The following GPSM1 variants were observed in gnomAD, a reference collection of about 807,000 sequenced individuals.
GPSM1 encodes G protein signaling modulator 1, also known as G protein-signaling modulator 1.
In GPSM1, 48 loss-of-function variants were observed where a neutral mutation model predicts 70.5. The ratio of observed to expected loss-of-function variants is 0.68; its 90% CI spans 0.54 to 0.87. GPSM1 has a LOEUF of 0.87. Among genes scored for constraint, GPSM1 ranks in the 40% least tolerant of loss-of-function variants. The pLI is 0.00. For synonymous variants in GPSM1, 416 were observed against 430.1 expected (o/e 0.97, Z 0.41); for missense variants, 981 against 972.6 (o/e 1.01, Z -0.11).
chr9:136,358,281 A>G lies in GPSM1; in HGVS notation c.*61A>G, dbSNP rs2131420965. On this transcript the variant is annotated 3_prime_UTR_variant, in exon 14 of 14. Coordinates refer to ENST00000440944, the MANE Select transcript of GPSM1 (RefSeq NM_001145638.3). ...ACTCCTGGACGCCGGTCTCACAGTC[A>G]CAGCCACGTCCTCCCGAGGCCATTG... 7.2e-7 allele frequency: 1 copy of G among 1,386,840 alleles called. No individual in the cohort carries two copies. The highest frequency in any genetic ancestry group is 2.5e-5 in the East Asian group (1 of 40,108). The allele number at this position is 1,386,840 out of a possible 1,614,324, so 85.9% of individuals were successfully genotyped here.
At position 136,356,507 on chromosome 9, in the gene GPSM1, A is replaced by G. The variant is rs1832831745; in HGVS notation, c.1778A>G (p.Gln593Arg). The change falls in exon 13 of 14, where the codon CAG becomes CGG. Residue 593 changes from glutamine to arginine, a missense_variant. Coordinates refer to ENST00000440944, the MANE Select transcript of GPSM1 (RefSeq NM_001145638.3). ...CACCTCCGAGGCCACGGCGAGCCCC[A>G]GGAGCCGGGGGACGACTTCTTCAAC... ...AGHLRGHGEPQEPGDDFFNML... is the reference protein window; with the variant it reads ...AGHLRGHGEPREPGDDFFNML... 1 of 1,611,898 alleles carries G rather than the reference A, an allele frequency of 6.2e-7. No individual in the cohort carries two copies. The highest frequency in any genetic ancestry group is 1.1e-5 in the South Asian group (1 of 91,032).
At chr9:136,338,024 G>A in intron 6 of GPSM1, 63 bp downstream of exon 6, 1 of 1,056,898 alleles carries the variant, frequency 9.5e-7, no homozygotes, top group Non-Finnish European at 1.4e-6. Context: ...GCCAGGCCAA[G>A]GAAGTGCCCG....
intron 11 of GPSM1, chr9:136,354,851 CAG>C (rs1832771389): frequency 1.0e-6 from 1 of 1,000,876 alleles, no homozygotes; most frequent in African/African-American, 1.7e-5. Flanking sequence ...AGGGCTGACA[CAG>C]GGTGTGGTGG....
intron 11 of GPSM1, among the ~76,000 whole-genome samples, chr9:136,350,697 G>A (rs1436062493): frequency 6.6e-6 from 1 of 152,232 alleles, no homozygotes; most frequent in Non-Finnish European, 1.5e-5. Context: ...CTGGGCTCAA[G>A]GTCACGAGTG....
chr9:136,349,752 G>C lies in GPSM1; in HGVS notation c.1444G>C (p.Val482Leu). 1 of 1,581,000 alleles carries C rather than the reference G, an allele frequency of 6.3e-7. No homozygotes were observed. The highest frequency in any genetic ancestry group is 1.3e-5 in the African/African-American group (1 of 74,550). ...PLDSADVRVH[V>L]PRTSIPRAPS... ...GGACAGCGCCGACGTCCGGGTGCAC[G>C]TGCCACGCACGGTAGGCGTCTTTGA... The change falls in exon 11 of 14, where the codon GTG (valine) becomes CTG (leucine). Residue 482 changes from valine (V) to leucine (L), a missense_variant. Val to Leu is a conservative substitution (Grantham distance 32). Coordinates refer to ENST00000440944, the MANE Select transcript of GPSM1 (RefSeq NM_001145638.3).
chr9:136,344,104 T>C (rs1832459311), intron 9 of GPSM1, among the ~76,000 whole-genome samples: 1 of 144,628 alleles, frequency 6.9e-6, no homozygotes, highest in East Asian at 2.0e-4. Flanking sequence ...GGATGAGCTT[T>C]GGGAGAAAGA....
At chr9:136,329,741 C>T (rs1554768293) in intron 1 of GPSM1, among the ~76,000 whole-genome samples, 1 of 152,188 alleles carries the variant, frequency 6.6e-6, no homozygotes, top group African/African-American at 2.4e-5. Context: ...GACAGCGAGG[C>T]CCATGAATGT....
In GPSM1 at chr9:136,358,235, C is replaced by T. The variant is rs782360717; in HGVS notation, c.*15C>T. ...GTGCGAGCTAAGGCCCTGTGCCCAC[C>T]GCCAGGCCCACCCTGCCCCCACTCC... On this transcript the variant is annotated 3_prime_UTR_variant, in exon 14 of 14. Transcript: ENST00000440944. The T allele has an allele frequency of 4.5e-4, 694 of 1,533,190 alleles. 3 individuals are homozygous for T. The highest frequency in any genetic ancestry group is 7.9e-4 in the Middle Eastern group (4 of 5,066). The allele number at this position is 1,533,190 out of a possible 1,614,324, so 95.0% of individuals were successfully genotyped here.
intron 11 of GPSM1, among the ~76,000 whole-genome samples, 169 bp downstream of exon 11, chr9:136,349,932 C>T (rs1371218019): frequency 6.6e-6 from 1 of 152,224 alleles, no homozygotes; most frequent in Non-Finnish European, 1.5e-5. Context: ...CCGGTGGGGG[C>T]TCTGGGCAGG....
At chr9:136,348,507 C>A (rs1288240061) in intron 9 of GPSM1, among the ~76,000 whole-genome samples, 190 bp from the exon 10 acceptor site, 2 of 152,220 alleles carry the variant, frequency 1.3e-5, no homozygotes, top group African/African-American at 4.8e-5. Flanking sequence ...ACACCTGTCC[C>A]CTTTGACTCT....
chr9:136,354,733 T>G, intron 11 of GPSM1: 21 of 752,262 alleles, frequency 2.8e-5, no homozygotes, highest in South Asian at 6.0e-5. Context: ...GCCTCCCTTG[T>G]TTGGGTGTGT....
At chr9:136,338,964 T>C (rs1304217760) in intron 7 of GPSM1, among the ~76,000 whole-genome samples, 1 of 152,118 alleles carries the variant, frequency 6.6e-6, no homozygotes, top group African/African-American at 2.4e-5. Context: ...CACCCATGTA[T>C]GTATGTAAAT....
intron 1 of GPSM1, among the ~76,000 whole-genome samples, chr9:136,329,095 A>G (rs551709467): frequency 1.3e-5 from 2 of 152,306 alleles, no homozygotes; most frequent in African/African-American, 4.8e-5. Context: ...GGCTACAGCT[A>G]GAAGCCTGGG....
At chr9:136,354,441 C>T (rs928451500) in intron 11 of GPSM1, among the ~76,000 whole-genome samples, 5 of 152,170 alleles carry the variant, frequency 3.3e-5, no homozygotes, top group South Asian at 2.1e-4. Flanking sequence ...CAGGCAGCAT[C>T]GGGGACCCGG....
intron 9 of GPSM1, among the ~76,000 whole-genome samples, chr9:136,345,536 G>A (rs577977009): frequency 5.9e-5 from 9 of 152,348 alleles, no homozygotes; most frequent in Admixed American, 2.6e-4. Context: ...CATTTCAGCC[G>A]CTGCTGCAGC....
Position 136,341,207 on chromosome 9 carries a change from G to A in GPSM1, c.1207+214G>A, listed in dbSNP as rs115616461. ...ACCCGCATCCTGAGTGGCGCTGCAG[G>A]GCTGCTGGATGAAGGACAGGAGGTG... On this transcript the variant is annotated intron_variant, in intron 9 of 13. Coordinates refer to ENST00000440944, the MANE Select transcript of GPSM1 (RefSeq NM_001145638.3). This position sits in a 1 kb window ranked among gnomAD's most constrained non-coding sequence, Gnocchi z 6.7. 551 of 1,538,826 alleles carry A rather than the reference G, an allele frequency of 3.6e-4. 4 individuals carry two copies. In the African/African-American group the frequency reaches 6.9e-3, roughly 19 times the overall value.
intron 11 of GPSM1, among the ~76,000 whole-genome samples, chr9:136,350,555 G>A (rs1564353979): frequency 6.6e-6 from 1 of 152,230 alleles, no homozygotes; most frequent in Non-Finnish European, 1.5e-5. Flanking sequence ...GGTGAGTGGG[G>A]TCATGGAGGG....
intron 1 of GPSM1, among the ~76,000 whole-genome samples, chr9:136,331,364 GCCC>G (rs33950584): frequency 7.9e-6 from 1 of 126,594 alleles, no homozygotes; most frequent in East Asian, 2.2e-4. Context: ...AGGACTCTGA[GCCC>G]CCCCCCCCCG....
Position 136,354,903 on chromosome 9 carries a change from T to TG in GPSM1, c.1456-784dup, listed in dbSNP as rs573160791. The TG allele has an allele frequency of 1.2e-4, 118 of 1,016,274 alleles. No individual in the cohort carries two copies. In the South Asian group the frequency reaches 3.7e-3, roughly 32 times the overall value. 63.0% of individuals were successfully genotyped at this position (1,016,274 alleles called of 1,614,324 possible). On this transcript the variant is annotated intron_variant, in intron 11 of 13. Transcript: ENST00000440944. ...GGCACGGGAGGCTTCCCGGGATGTCTGGGAAGTGTTCCAGGCCAAGGCTGG... is the reference window on the plus strand; with the variant it reads ...GGCACGGGAGGCTTCCCGGGATGTCTGGGGAAGTGTTCCAGGCCAAGGCTGG...
Sources: allele counts gnomAD v4.1 joint callset (sites outside exome capture counted in the v4.1 genomes callset), GRCh38; gene constraint gnomAD v4.1.1; non-coding constraint Gnocchi (gnomAD v3.1); transcripts MANE v1.5; gene names NCBI Gene and HGNC (gene_info 2026-07-23, HGNC 2026-07-21).